TNFAIP8: variants seen among roughly 807,000 people sequenced by gnomAD.
The protein encoded by TNFAIP8 is TNF alpha induced protein 8, also known as tumor necrosis factor alpha-induced protein 8.
A neutral mutation model predicts 13.3 loss-of-function variants in TNFAIP8; 7 were observed. The ratio of observed to expected loss-of-function variants is 0.52; its 90% confidence interval spans 0.30 to 0.99. The LOEUF (loss-of-function observed/expected upper bound fraction) is 0.99. Among genes scored for constraint, TNFAIP8 ranks in the 50% least tolerant of loss-of-function variants. TNFAIP8 has a pLI of 0.07. For missense variants in TNFAIP8, 258 were observed against 236.9 expected, an observed-to-expected ratio of 1.09 and a Z score of -0.58; for synonymous variants, 94 against 87.6, an observed-to-expected ratio of 1.07 and a Z score of -0.41.
intron 1 of TNFAIP8, among the ~76,000 whole-genome samples, chr5:119,328,474 CCTT>C (rs1750288250): frequency 6.6e-6 from 1 of 152,184 alleles, no homozygotes; most frequent in African/African-American, 2.4e-5. Context: ...CAAGAAACCA[CCTT>C]CTGCTACCTT....
At chr5:119,278,461 G>A (rs914478266) in intron 1 of TNFAIP8, among the ~76,000 whole-genome samples, 1 of 147,654 alleles carries the variant, frequency 6.8e-6, no homozygotes, top group African/African-American at 2.5e-5. Flanking sequence ...TGCTTCTCTA[G>A]TAGTGTCTAT....
intron 1 of TNFAIP8, among the ~76,000 whole-genome samples, chr5:119,340,213 T>C (rs1420656790): frequency 6.6e-6 from 1 of 152,186 alleles, no homozygotes; most frequent in African/African-American, 2.4e-5. Context: ...AGCCAGCCAA[T>C]CTTCCCCACC....
chr5:119,376,886 T>G (rs1247449528), intron 1 of TNFAIP8, among the ~76,000 whole-genome samples: 1 of 152,206 alleles, frequency 6.6e-6, no homozygotes, highest in Non-Finnish European at 1.5e-5. Context: ...TGCTCAAATG[T>G]CGCCTTTTCG....
chr5:119,290,577 T>A (rs1043027648), intron 1 of TNFAIP8, among the ~76,000 whole-genome samples: 3 of 152,202 alleles, frequency 2.0e-5, no homozygotes, highest in Non-Finnish European at 4.4e-5. Flanking sequence ...TGATCTCCAT[T>A]GCTGTTGGTG....
rs929301528 is a variant in TNFAIP8, at chr5:119,394,415, A to G, written c.*1034A>G. 1.3e-5 allele frequency: 2 copies of G among 152,144 alleles called. No individual in the cohort carries two copies. The highest frequency in any genetic ancestry group is 1.5e-5 in the Non-Finnish European group (1 of 68,030). 9.4% of individuals were successfully genotyped at this position (152,144 alleles called of 1,614,324 possible). Reference sequence around the variant, plus strand: ...AAGATTTTTGTTATTTTTTACTTTGATAAGTAAACCAAAGAATATTTGTAT... The same window carrying G: ...AAGATTTTTGTTATTTTTTACTTTGGTAAGTAAACCAAAGAATATTTGTAT... On this transcript the variant is annotated 3_prime_UTR_variant, in exon 2 of 2. Coordinates refer to ENST00000504771, the MANE Select transcript of TNFAIP8 (RefSeq NM_014350.4).
At chr5:119,377,390 ATAAT>A (rs1237226557) in intron 1 of TNFAIP8, among the ~76,000 whole-genome samples, 3 of 151,450 alleles carry the variant, frequency 2.0e-5, no homozygotes, top group South Asian at 2.1e-4. Context: ...TCTCAAATAA[ATAAT>A]TAAATAAGAA....
chr5:119,311,015 GTTTGT>G (rs574031185), intron 1 of TNFAIP8, among the ~76,000 whole-genome samples: 1 of 151,990 alleles, frequency 6.6e-6, no homozygotes, highest in East Asian at 1.9e-4. Flanking sequence ...TCTGTTTTTT[GTTTGT>G]TTTGTTTTGT....
chr5:119,348,039 A>C (rs1200842486), intron 1 of TNFAIP8, among the ~76,000 whole-genome samples: 1 of 152,200 alleles, frequency 6.6e-6, no homozygotes, highest in Non-Finnish European at 1.5e-5. Flanking sequence ...TTTGTTCAGA[A>C]ACTTGAATAA....
chr5:119,334,320 T>C (rs1458030742), intron 1 of TNFAIP8, among the ~76,000 whole-genome samples: 1 of 152,188 alleles, frequency 6.6e-6, no homozygotes, highest in Non-Finnish European at 1.5e-5. Context: ...CTTAAAGTTA[T>C]ATTGGTATTT....
At position 119,314,076 on chromosome 5, in the gene TNFAIP8, A is replaced by G. The variant is rs565702236; in HGVS notation, c.1+45169A>G. On this transcript the variant is annotated intron_variant, in intron 1 of 1. Coordinates refer to the TNFAIP8 transcript ENST00000274456. The stretch of plus-strand genomic sequence containing the variant: ...TGTGTCATGACACATGCCTGGCATT[A>G]CAATCCCAGCTACTTGGGTGGCTGA... 9.8e-5 allele frequency among the ~76,000 whole-genome samples: 15 copies of G among 152,342 alleles called. No homozygotes were observed. In the South Asian group the frequency reaches 3.1e-3, roughly 32 times the overall value.
intron 1 of TNFAIP8, among the ~76,000 whole-genome samples, chr5:119,388,690 G>A (rs1367561826): frequency 6.6e-6 from 1 of 151,900 alleles, no homozygotes; most frequent in Non-Finnish European, 1.5e-5. Context: ...CCAGGCTGGA[G>A]TACAGTGGCA....
At chr5:119,296,995 C>T (rs367797359) in intron 1 of TNFAIP8, among the ~76,000 whole-genome samples, 16 of 151,602 alleles carry the variant, frequency 1.1e-4, no homozygotes, top group South Asian at 2.1e-4. Flanking sequence ...TTTTTTATTG[C>T]GTCTATTTGA....
At chr5:119,371,174 G>C (rs997054008) in intron 1 of TNFAIP8, among the ~76,000 whole-genome samples, 1 of 152,180 alleles carries the variant, frequency 6.6e-6, no homozygotes, top group South Asian at 2.1e-4. Flanking sequence ...TAACAAGGAA[G>C]ATAAGACAGC....
upstream of TNFAIP8, among the ~76,000 whole-genome samples, chr5:119,354,007 G>T (rs1426897412): frequency 1.3e-5 from 2 of 152,244 alleles, no homozygotes; most frequent in Non-Finnish European, 2.9e-5. Flanking sequence ...TTGCAGTGAG[G>T]AAGGGCAAGG....
At chr5:119,309,258 C>T (rs1009190274) in intron 1 of TNFAIP8, among the ~76,000 whole-genome samples, 2 of 152,212 alleles carry the variant, frequency 1.3e-5, no homozygotes. Context: ...GAGGGCTTTT[C>T]TGTGGGTGCC....
chr5:119,368,371 C>T (rs1350289358), intron 1 of TNFAIP8, among the ~76,000 whole-genome samples: 2 of 135,900 alleles, frequency 1.5e-5, no homozygotes, highest in Admixed American at 7.0e-5. Context: ...TCCCTCCTGT[C>T]TGTTAAAAAA....
upstream of TNFAIP8, chr5:119,355,435 C>T (rs1043555025): frequency 2.0e-5 from 14 of 696,224 alleles, no homozygotes; most frequent in Non-Finnish European, 2.6e-5. Context: ...AGGCCCCGCT[C>T]TGGGACTTGT....
chr5:119,325,227 C>G (rs1750184910), intron 1 of TNFAIP8, among the ~76,000 whole-genome samples: 1 of 152,168 alleles, frequency 6.6e-6, no homozygotes, highest in African/African-American at 2.4e-5. Flanking sequence ...CTTGTCCACA[C>G]TTCTGTCTAT....
chr5:119,325,694 G>A (rs560982863), intron 1 of TNFAIP8, among the ~76,000 whole-genome samples: 3 of 152,054 alleles, frequency 2.0e-5, no homozygotes, highest in African/African-American at 4.8e-5. Flanking sequence ...GTGATCCGCC[G>A]GCCTCGGCCT....
Sources: gnomAD v4.1 joint callset for allele counts (sites outside exome capture counted in the v4.1 genomes callset) on GRCh38, gnomAD v4.1.1 for gene constraint, MANE v1.5 for transcripts, NCBI Gene and HGNC (gene_info 2026-07-23, HGNC 2026-07-21) for gene names.